The following RECQL4 variants were observed in gnomAD, a reference collection of about 807,000 sequenced individuals.
RECQL4 encodes the protein ATP-dependent DNA helicase Q4.
In RECQL4, 158 loss-of-function variants were observed where a neutral mutation model predicts 128.6. The observed-to-expected ratio is 1.23, with a 90% confidence interval of 1.08 to 1.40. The LOEUF (loss-of-function observed/expected upper bound fraction) is 1.40. Among genes scored for constraint, RECQL4 ranks in the 40% most tolerant of loss-of-function variants. RECQL4 has a pLI of 0.00. For synonymous variants in RECQL4, 996 were observed against 678.9 expected, an observed-to-expected ratio of 1.47 and a Z score of -7.26; for missense variants, 2,293 against 1,649.8, an observed-to-expected ratio of 1.39 and a Z score of -6.75.
chr8:144,512,747 A>C lies in RECQL4; in HGVS notation c.2780T>G (p.Leu927Arg), dbSNP rs774274636. 3.1e-6 allele frequency: 5 copies of C among 1,612,120 alleles called. No homozygotes were observed. Among genetic ancestry groups the C allele is most frequent in the Non-Finnish European group, 4.2e-6 (5 of 1,179,800 alleles). Residue 927 changes from leucine (L) to arginine (R), a missense_variant, in exon 16 of 21, where the codon CTG (leucine) becomes CGG (arginine). Transcript: ENST00000617875. The stretch of plus-strand genomic sequence containing the variant: ...CAGCCAGTGGTGTGGGTGCAGCTCC[A>C]GGTAGCACAGCAAAGTCTCGATGGC... The part of the protein sequence containing the change: ...EEAIETLLCY[L>R]ELHPHHWLEL...
chr8:144,515,283 C>G lies in RECQL4; in HGVS notation c.1391-41G>C, dbSNP rs780680015. On this transcript the variant is annotated intron_variant, in intron 7 of 20. Transcript: ENST00000617875. ...TTGATCACCATGACTTGAGTCACCC[C>G]AACCCCTCAGTGAAGGCTCTGGGCC... is the stretch of plus-strand genomic sequence containing the variant. The G allele has an allele frequency of 2.5e-6, 4 of 1,610,310 alleles. No homozygotes were observed. In the East Asian group the frequency reaches 8.9e-5, roughly 36 times the overall value.
In RECQL4 at chr8:144,517,104, G is replaced by A. The variant is rs34496005; in HGVS notation, c.300C>T (p.Gly100=). 3,305 of 1,612,392 alleles carry A rather than the reference G, an allele frequency of 2.0e-3. 59 individuals are homozygous for A. The African/African-American group carries it at 0.038, about 18-fold the overall frequency. Residue 100 remains glycine, a synonymous_variant, in exon 4 of 21, where the codon GGC becomes GGT. Transcript: ENST00000617875. ...PQSTPGRSRQ[G]SVPDYGQRLK... ...GCCGCTGCCCGTAGTCCGGCACCGA[G>A]CCCTGGCGGCTCCGCCCTGGCGTAG...
At chr8:144,515,611 C>T (rs977026196) in intron 6 of RECQL4, among the ~76,000 whole-genome samples, 153 bp downstream of exon 6, 10 of 152,332 alleles carry the variant, frequency 6.6e-5, no homozygotes, top group East Asian at 5.8e-4. Context: ...CAGCCATCGT[C>T]GTCCCTGCCA....
chr8:144,513,372 G>T lies in RECQL4; in HGVS notation c.2309C>A (p.Ala770Asp). Residue 770 changes from alanine (A) to aspartate (D), a missense_variant, in exon 14 of 21, where the codon GCC becomes GAC. By Grantham distance (126) the Ala-to-Asp change is moderately radical (BLOSUM62 -2). Transcript: ENST00000617875. ...FMQGQLRVVV[A>D]TVAFGMGLDR... Reference sequence around the variant, plus strand: ...CAGCCCCATCCCAAAGGCCACCGTGGCCACCACCACCCGCAACTGGCCCTG... The same window carrying T: ...CAGCCCCATCCCAAAGGCCACCGTGTCCACCACCACCCGCAACTGGCCCTG... 1 of 1,606,992 alleles carries T rather than the reference G, an allele frequency of 6.2e-7. No homozygotes were observed.
rs1476491370 is a variant in RECQL4 at position 144,517,139 on chromosome 8, T to C, written c.265A>G (p.Ser89Gly). ...CTCCGCCCTGGCGTAGACTGTGGAC[T>C]CTTGGTCGCAGCCCGATTCAGATGG... Reference protein sequence around the residue: ...GPHLNRAATKSPQSTPGRSRQ... With the variant: ...GPHLNRAATKGPQSTPGRSRQ... Residue 89 changes from serine (S) to glycine (G), a missense_variant, in exon 4 of 21, where the codon AGT (serine) becomes GGT (glycine). Physicochemically the swap from Ser to Gly is moderately conservative, Grantham distance 56. Transcript: ENST00000617875. 3 of 1,611,708 alleles carry C rather than the reference T, an allele frequency of 1.9e-6. No homozygotes were observed. Among genetic ancestry groups the C allele is most frequent in the Non-Finnish European group, 2.5e-6 (3 of 1,179,560 alleles).
Position 144,513,702 on chromosome 8 carries a change from G to C in RECQL4, c.2069C>G (p.Thr690Arg), listed in dbSNP as rs369950284. ...MDRDTDQALL[T>R]LLQGKRFQNL... ...TTGAAAACGTTTGCCTTGCAGCAGC[G>C]TCAACAGTGCCTGATGAGGAGCGGT... The change falls in exon 13 of 21, where the codon ACG becomes AGG. Residue 690 changes from threonine (T) to arginine (R), a missense_variant. Physicochemically the swap from Thr to Arg is moderately conservative, Grantham distance 71 (BLOSUM62 -1). Coordinates refer to ENST00000617875, the MANE Select transcript of RECQL4 (RefSeq NM_004260.4). The C allele has an allele frequency of 6.5e-7, 1 of 1,550,364 alleles. No individual in the cohort carries two copies. Among genetic ancestry groups the C allele is most frequent in the South Asian group, 1.2e-5 (1 of 84,078 alleles).
chr8:144,512,296 C>A lies in RECQL4; in HGVS notation c.3084G>T (p.Val1028=), dbSNP rs1827393391. ...TGVRRGTGVL[V]EFSELAFHLR... is the part of the protein sequence containing the mutation. ...GGTGGAAGGCCAGCTCACTGAACTC[C>A]ACAAGCACCCCTGTCCCACGCCGCA... Residue 1028 remains valine, a synonymous_variant, in exon 18 of 21, where the codon GTG becomes GTT. Coordinates refer to ENST00000617875, the MANE Select transcript of RECQL4 (RefSeq NM_004260.4). The A allele has an allele frequency of 6.2e-7, 1 of 1,612,480 alleles. No homozygotes were observed. The highest frequency in any genetic ancestry group is 8.5e-7 in the Non-Finnish European group (1 of 1,179,792).
intron 13 of RECQL4, 38 bp downstream of exon 13, chr8:144,513,533 G>A: frequency 6.2e-7 from 1 of 1,610,926 alleles, no homozygotes; most frequent in Non-Finnish European, 8.5e-7. Context: ...TGTGCCCAAG[G>A]TGGGTCCACG....
At position 144,513,044 on chromosome 8, in the gene RECQL4, C is replaced by T. The variant is rs998405899; in HGVS notation, c.2558G>A (p.Cys853Tyr). Residue 853 changes from cysteine (C) to tyrosine (Y), a missense_variant, in exon 15 of 21, where the codon TGC becomes TAC. Cys to Tyr is a radical substitution (Grantham distance 194). Transcript: ENST00000617875. ...GGGCGGCCTGGTGCAGGTGCAGGTG[C>T]AGGCTGGGAACACGCGCTGTACCAG... ...KRLVQRVFPA[C>Y]TCTCTRPPSE... 15 of 1,577,438 alleles carry T rather than the reference C, an allele frequency of 9.5e-6. No homozygotes were observed. In the African/African-American group the frequency reaches 1.6e-4, roughly 17 times the overall value.
rs398124116 is a variant in RECQL4 at position 144,514,050 on chromosome 8, G to A, written c.1936C>T (p.Arg646Cys). ...CFLGLTATAT[R>C]RTASDVAQHL... is the part of the protein sequence containing the mutation. ...TGTGCCACGTCACTGGCAGTGCGGC[G>A]TGTGGCTGTGGCTGTGAGGCCCAGG... Residue 646 changes from arginine to cysteine, a missense_variant, in exon 12 of 21, where the codon CGC (arginine) becomes TGC (cysteine). By Grantham distance (180) the Arg-to-Cys change is radical (BLOSUM62 -3). Coordinates refer to ENST00000617875, the MANE Select transcript of RECQL4 (RefSeq NM_004260.4). 2.8e-5 allele frequency: 44 copies of A among 1,583,002 alleles called. No individual in the cohort carries two copies. Among genetic ancestry groups the A allele is most frequent in the East Asian group, 4.7e-5 (2 of 42,958 alleles).
rs1448166862 is a variant in RECQL4, at chr8:144,511,892, C to G, written c.3393+19G>C. ...GGAACCTGCAACCCCGATGAGCTGC[C>G]TGGCCTTACTGCACTCACTCTGGCC... On this transcript the variant is annotated intron_variant, in intron 19 of 20. Coordinates refer to ENST00000617875, the MANE Select transcript of RECQL4 (RefSeq NM_004260.4). 1 of 1,610,152 alleles carries G rather than the reference C, an allele frequency of 6.2e-7. No homozygotes were observed. Among genetic ancestry groups the G allele is most frequent in the Non-Finnish European group, 8.5e-7 (1 of 1,179,428 alleles).
chr8:144,512,699 G>A lies in RECQL4; in HGVS notation c.2828C>T (p.Thr943Ile), dbSNP rs1827478545. 1 of 1,612,478 alleles carries A rather than the reference G, an allele frequency of 6.2e-7. No individual in the cohort carries two copies. Among genetic ancestry groups the A allele is most frequent in the East Asian group, 2.2e-5 (1 of 44,888 alleles). ...HWLELLATTY[T>I]HCRLNCPGGP... Reference sequence around the variant, plus strand: ...CCCAGGGCAGTTCAGACGGCAATGGGTATAGGTGGTCGCCAGCAGCTCCAG... The same window carrying A: ...CCCAGGGCAGTTCAGACGGCAATGGATATAGGTGGTCGCCAGCAGCTCCAG... Residue 943 changes from threonine to isoleucine, a missense_variant, in exon 16 of 21, where the codon ACC becomes ATC. Coordinates refer to ENST00000617875, the MANE Select transcript of RECQL4 (RefSeq NM_004260.4).
At position 144,512,967 on chromosome 8, in the gene RECQL4, G is replaced by C; in HGVS notation, c.2635C>G (p.Pro879Ala). ...TGGCTAAGCTGCTCAGCCTCTTGAGGGGGGTACTTGGGCACAGGCCTCTCC... is the reference window on the plus strand; with the variant it reads ...TGGCTAAGCTGCTCAGCCTCTTGAGCGGGGTACTTGGGCACAGGCCTCTCC... ...GGERPVPKYPPQEAEQLSHQA... is the reference protein window; with the variant it reads ...GGERPVPKYPAQEAEQLSHQA... Residue 879 changes from proline (P) to alanine (A), a missense_variant, in exon 15 of 21, where the codon CCT becomes GCT. Physicochemically the swap from Pro to Ala is conservative, Grantham distance 27 (BLOSUM62 -1). Coordinates refer to ENST00000617875, the MANE Select transcript of RECQL4 (RefSeq NM_004260.4). 2 of 1,570,818 alleles carry C rather than the reference G, an allele frequency of 1.3e-6. No homozygotes were observed. Among genetic ancestry groups the C allele is most frequent in the Non-Finnish European group, 1.7e-6 (2 of 1,158,512 alleles).
rs549438457 is a variant in RECQL4 at position 144,515,789 on chromosome 8, G to A, written c.1233C>T (p.His411=). 1.7e-5 allele frequency: 28 copies of A among 1,612,546 alleles called. No homozygotes were observed. The South Asian group carries it at 2.6e-4, about 15-fold the overall frequency. Residue 411 remains histidine (H), a synonymous_variant, in exon 6 of 21, where the codon CAC becomes CAT. Transcript: ENST00000617875. ...ESCFLNEQFD[H]WAAQCPRPAS... ...CTGGCCGGGGACACTGGGCTGCCCA[G>A]TGATCGAACTGCTCGTTCAGGAAAC...
Position 144,514,491 on chromosome 8 carries a change from C to T in RECQL4, c.1655G>A (p.Cys552Tyr), listed in dbSNP as rs2130698662. 1 of 1,612,258 alleles carries T rather than the reference C, an allele frequency of 6.2e-7. No individual in the cohort carries two copies. The highest frequency in any genetic ancestry group is 8.5e-7 in the Non-Finnish European group (1 of 1,179,592). ...SGLPPCLKAA[C>Y]IHSGMTRKQR... ...CTTCCTGGTCATGCCCGAGTGTATG[C>T]AGGCCGCCTTGAGACACGGTGGCAG... is the stretch of plus-strand genomic sequence containing the variant. The change falls in exon 10 of 21, where the codon TGC becomes TAC. Residue 552 changes from cysteine (C) to tyrosine (Y), a missense_variant. Physicochemically the swap from Cys to Tyr is radical, Grantham distance 194. Coordinates refer to ENST00000617875, the MANE Select transcript of RECQL4 (RefSeq NM_004260.4).
intron 9 of RECQL4, among the ~76,000 whole-genome samples, 162 bp from the exon 10 acceptor site, chr8:144,514,687 C>T (rs1050838245): frequency 2.6e-5 from 4 of 152,118 alleles, no homozygotes; most frequent in Non-Finnish European, 5.9e-5. Flanking sequence ...TGGGCCTTGG[C>T]CCAGGAGCCC....
chr8:144,515,723 A>G, intron 6 of RECQL4, 41 bp downstream of exon 6: 3 of 1,604,460 alleles, frequency 1.9e-6, no homozygotes, highest in Non-Finnish European at 2.6e-6. Flanking sequence ...CGCCCTCTCC[A>G]CAGTGTTGGC....
At chr8:144,517,549 G>T in intron 2 of RECQL4, 41 bp from the exon 3 acceptor site, 1 of 1,524,148 alleles carries the variant, frequency 6.6e-7, no homozygotes, top group Non-Finnish European at 8.7e-7. Context: ...GTGGGGCCTG[G>T]GCCCCTGCCG....
In RECQL4 at chr8:144,515,910, G is replaced by A. The variant is rs375444239; in HGVS notation, c.1132-20C>T. 1.4e-4 allele frequency: 219 copies of A among 1,612,684 alleles called. No homozygotes were observed. Among genetic ancestry groups the A allele is most frequent in the African/African-American group, 1.3e-3 (94 of 75,048 alleles). ...CCATGCCTGGGGGGTGCCCACATAG[G>A]AGGGTCACTGGGCGGGAAATACGGG... is the stretch of plus-strand genomic sequence containing the variant. On this transcript the variant is annotated intron_variant, in intron 5 of 20. Transcript: ENST00000617875.
Sources: gnomAD v4.1 joint callset for allele counts (sites outside exome capture counted in the v4.1 genomes callset) on GRCh38, gnomAD v4.1.1 for gene constraint, MANE v1.5 for transcripts, NCBI Gene and HGNC (gene_info 2026-07-23, HGNC 2026-07-21) for gene names.